The following ELMO1 variants were observed in gnomAD, a reference collection of about 807,000 sequenced individuals.
ELMO1 encodes engulfment and cell motility 1.
Under a neutral mutation model 98.9 loss-of-function variants are expected in ELMO1, and 26 were observed. That is an observed-to-expected ratio of 0.26 (90% CI 0.19 to 0.36). The LOEUF is 0.36. Ranked by LOEUF, ELMO1 falls within the 10% of genes least tolerant of loss-of-function variation. The pLI is 1.00. For synonymous variants in ELMO1, 346 were observed against 346.0 expected (o/e 1.00, Z 0.00); for missense variants, 627 against 935.2 (o/e 0.67, Z 4.30).
chr7:37,176,944 C>T (rs992354734), intron 13 of ELMO1, among the ~76,000 whole-genome samples: 1 of 152,092 alleles, frequency 6.6e-6, no homozygotes, highest in Non-Finnish European at 1.5e-5. Context: ...TGCCTAAGTA[C>T]GGATATGGTG....
chr7:37,195,306 C>T lies in ELMO1; in HGVS notation c.1086+16080G>A, dbSNP rs557037173. Among the ~76,000 whole-genome samples, 27 of 152,314 alleles carry T rather than the reference C, an allele frequency of 1.8e-4. No individual in the cohort carries two copies. In the South Asian group the frequency reaches 5.0e-3, roughly 28 times the overall value. On this transcript the variant is annotated intron_variant, in intron 13 of 21. Coordinates refer to ENST00000310758, the MANE Select transcript of ELMO1 (RefSeq NM_014800.11). ...CTTTGTGACTAGAGAGAGGCCTGTCCGCACACTGCCTTAAATATCATAAAT... is the reference window on the plus strand; with the variant it reads ...CTTTGTGACTAGAGAGAGGCCTGTCTGCACACTGCCTTAAATATCATAAAT...
chr7:37,179,435 G>A (rs904268406), intron 13 of ELMO1, among the ~76,000 whole-genome samples: 5 of 151,936 alleles, frequency 3.3e-5, no homozygotes, highest in South Asian at 2.1e-4. Context: ...CCGCCACCAC[G>A]ACCGGCTAAT....
At chr7:37,085,779 A>G (rs1783734390) in intron 15 of ELMO1, among the ~76,000 whole-genome samples, 1 of 152,208 alleles carries the variant, frequency 6.6e-6, no homozygotes. Context: ...TTTACTGATG[A>G]GACGTGATGA....
intron 16 of ELMO1, among the ~76,000 whole-genome samples, chr7:36,971,614 ATC>A (rs1322059189): frequency 1.3e-5 from 2 of 152,190 alleles, no homozygotes; most frequent in Non-Finnish European, 2.9e-5. Context: ...TTACCAAGAG[ATC>A]TAAGCCTGGC....
chr7:37,217,445 T>C (rs1793351408), intron 10 of ELMO1, among the ~76,000 whole-genome samples: 1 of 152,204 alleles, frequency 6.6e-6, no homozygotes, highest in Non-Finnish European at 1.5e-5. Context: ...ACTGCTCATA[T>C]TCAGGAAGAC....
chr7:37,373,421 A>G (rs1314017095), intron 1 of ELMO1, among the ~76,000 whole-genome samples: 2 of 152,132 alleles, frequency 1.3e-5, no homozygotes, highest in African/African-American at 2.4e-5. Context: ...AGCCTGGCCA[A>G]TATGTTGAAA....
intron 1 of ELMO1, among the ~76,000 whole-genome samples, chr7:37,351,788 C>T (rs572516518): frequency 6.6e-6 from 1 of 152,318 alleles, no homozygotes; most frequent in South Asian, 2.1e-4. Context: ...GCAAAACAGA[C>T]TGAAGTTACA....
intron 5 of ELMO1, among the ~76,000 whole-genome samples, chr7:37,261,275 C>G (rs925670175): frequency 1.3e-5 from 2 of 152,204 alleles, no homozygotes; most frequent in African/African-American, 4.8e-5. Context: ...AGTTAGGTAA[C>G]TTGCCCAAGG....
At chr7:36,886,964 C>T (rs919832450) in intron 18 of ELMO1, among the ~76,000 whole-genome samples, 1 of 152,114 alleles carries the variant, frequency 6.6e-6, no homozygotes, top group African/African-American at 2.4e-5. Flanking sequence ...ACAATAAGGG[C>T]CATCCATGCT....
intron 21 of ELMO1, among the ~76,000 whole-genome samples, chr7:36,859,788 T>C (rs1458875371): frequency 2.6e-5 from 4 of 152,204 alleles, no homozygotes; most frequent in Non-Finnish European, 5.9e-5. Context: ...ATACTTACAG[T>C]TGACCCTTGA....
intron 1 of ELMO1, among the ~76,000 whole-genome samples, chr7:37,349,442 TCTTCA>T (rs1455043397): frequency 2.0e-5 from 3 of 152,022 alleles, no homozygotes; most frequent in Non-Finnish European, 4.4e-5. Context: ...AGCCCTCTAG[TCTTCA>T]CTTTTTTTTT....
intron 1 of ELMO1, among the ~76,000 whole-genome samples, chr7:37,410,175 A>G (rs1423031410): frequency 6.6e-6 from 1 of 152,242 alleles, no homozygotes; most frequent in Admixed American, 6.5e-5. Flanking sequence ...TTGCATAGGC[A>G]GGATTATTTT....
chr7:37,302,759 T>A (rs908902585), intron 4 of ELMO1, among the ~76,000 whole-genome samples: 2 of 152,136 alleles, frequency 1.3e-5, no homozygotes, highest in African/African-American at 2.4e-5. Flanking sequence ...TGATAATGAA[T>A]TTTTGCTTTA....
In ELMO1 at chr7:36,936,203, TA is replaced by T. The variant is rs1387920698; in HGVS notation, c.1438-41187del. ...GCAGAGGGTGGATTCAGTGTTTCTG[TA>T]ATTATTTTCCATCCTTCTGGGATCA... On this transcript the variant is annotated intron_variant, in intron 16 of 21. Transcript: ENST00000310758. Among the ~76,000 whole-genome samples, 5 of 152,170 alleles carry T rather than the reference TA, an allele frequency of 3.3e-5. No individual in the cohort carries two copies. In the South Asian group the frequency reaches 8.3e-4, roughly 25 times the overall value.
intron 16 of ELMO1, among the ~76,000 whole-genome samples, chr7:36,998,436 T>C (rs1792379389): frequency 6.6e-6 from 1 of 152,192 alleles, no homozygotes; most frequent in Non-Finnish European, 1.5e-5. Flanking sequence ...AAAATGTTGC[T>C]AGTAACTGGA....
At chr7:36,861,600 A>G (rs537996280) in intron 21 of ELMO1, 59 bp downstream of exon 21, 3 of 1,557,778 alleles carry the variant, frequency 1.9e-6, no homozygotes, top group East Asian at 4.5e-5. Context: ...ATTTCTTTCT[A>G]TATTTTTCTT....
Position 36,966,330 on chromosome 7 carries a change from C to T in ELMO1, c.1437+46969G>A, listed in dbSNP as rs377109158. On this transcript the variant is annotated intron_variant, in intron 16 of 21. Coordinates refer to ENST00000310758, the MANE Select transcript of ELMO1 (RefSeq NM_014800.11). ...AATCAGACCTGAATCTATGGGTCAG[C>T]GTGAAGGTTATTTATATTTGGAATC... is the stretch of plus-strand genomic sequence containing the variant. Among the ~76,000 whole-genome samples, 26 of 152,246 alleles carry T rather than the reference C, an allele frequency of 1.7e-4. No individual in the cohort carries two copies. In the South Asian group the frequency reaches 4.8e-3, roughly 28 times the overall value.
In ELMO1 at chr7:37,211,499, A is replaced by G; in HGVS notation, c.973T>C (p.Phe325Leu). Residue 325 changes from phenylalanine (F) to leucine (L), a missense_variant, in exon 13 of 22, where the codon TTT (phenylalanine) becomes CTT (leucine). Phe to Leu is a conservative substitution (Grantham distance 22). This residue lies in a region of ELMO1 where 492 missense variants were observed against 715.6 expected (regional missense o/e 0.69). Coordinates refer to ENST00000310758, the MANE Select transcript of ELMO1 (RefSeq NM_014800.11). ...PQDQAQRDII[F>L]ELRRIAFDAE... is the part of the protein sequence containing the mutation. ...TCAAAAGCAATTCTTCGAAGTTCAA[A>G]TATGATGTCCCTCTGAGCCTGAAGG... 1 of 1,614,042 alleles carries G rather than the reference A, an allele frequency of 6.2e-7. No homozygotes were observed. The highest frequency in any genetic ancestry group is 8.5e-7 in the Non-Finnish European group (1 of 1,179,948).
chr7:37,151,304 C>T (rs1156326671), intron 13 of ELMO1, among the ~76,000 whole-genome samples: 1 of 152,182 alleles, frequency 6.6e-6, no homozygotes, highest in African/African-American at 2.4e-5. Flanking sequence ...TTGAAGCCTA[C>T]ACCTCCTGGA....
Sources: gnomAD v4.1 joint callset for allele counts (sites outside exome capture counted in the v4.1 genomes callset) on GRCh38, gnomAD v4.1.1 for gene constraint, gnomAD v4.1.1 regional missense constraint, MANE v1.5 for transcripts, NCBI Gene and HGNC (gene_info 2026-07-23, HGNC 2026-07-21) for gene names.